Variants in KNDC1 observed in about 807,000 individuals in gnomAD.
The protein encoded by KNDC1 is kinase non-catalytic C-lobe domain containing 1.
A neutral mutation model predicts 172.8 loss-of-function variants in KNDC1; 106 were observed. The ratio of observed to expected loss-of-function variants is 0.61; its 90% CI spans 0.52 to 0.72. The LOEUF (loss-of-function observed/expected upper bound fraction) is 0.72. Ranked by LOEUF, KNDC1 falls within the 30% of genes least tolerant of loss-of-function variation. KNDC1 has a pLI of 0.00. For synonymous variants in KNDC1, 1,083 were observed against 1,062.2 expected (o/e 1.02, Z -0.38); for missense variants, 2,325 against 2,394.5 (o/e 0.97, Z 0.61).
chr10:133,197,210 C>A, intron 11 of KNDC1, 75 bp downstream of exon 11: 2 of 1,177,616 alleles, frequency 1.7e-6, no homozygotes, highest in African/African-American at 1.5e-5. Flanking sequence ...CTTGCCCTTG[C>A]CTGGCCGCTC....
intron 1 of KNDC1, among the ~76,000 whole-genome samples, chr10:133,161,060 A>G (rs546369057): frequency 6.6e-6 from 1 of 151,360 alleles, no homozygotes; most frequent in South Asian, 2.1e-4. Context: ...CCGGGCCTTC[A>G]CCCAAGACCC....
At position 133,163,023 on chromosome 10, in the gene KNDC1, A is replaced by G. The variant is rs568431025; in HGVS notation, c.102+2454A>G. 6.4e-4 allele frequency among the ~76,000 whole-genome samples: 68 copies of G among 105,560 alleles called. No individual in the cohort carries two copies. The highest frequency in any genetic ancestry group is 2.5e-3 in the African/African-American group (67 of 26,592). The allele number at this position is 105,560 out of a possible 152,430, so 69.3% of individuals were successfully genotyped here. ...GGAGATGTTCTGTGGGGGTGATGCA[A>G]GGAGGGCTTCCTGGAGGTGTCCTGC... On this transcript the variant is annotated intron_variant, in intron 1 of 29. Transcript: ENST00000304613. This position sits in a 1 kb window ranked among gnomAD's most constrained non-coding sequence, Gnocchi z 4.4.
chr10:133,217,926 T>C (rs1845500656), intron 26 of KNDC1, among the ~76,000 whole-genome samples: 1 of 151,776 alleles, frequency 6.6e-6, no homozygotes, highest in African/African-American at 2.4e-5. Context: ...AATACAAAAA[T>C]TATCACGCCT....
intron 17 of KNDC1, among the ~76,000 whole-genome samples, chr10:133,203,971 C>T (rs1381925669): frequency 1.3e-5 from 2 of 152,348 alleles, no homozygotes; most frequent in East Asian, 1.9e-4. Context: ...CGCAGGCACC[C>T]GCCTCCAGGT....
At chr10:133,204,598 G>T (rs1275275708) in intron 17 of KNDC1, among the ~76,000 whole-genome samples, 1 of 152,246 alleles carries the variant, frequency 6.6e-6, no homozygotes, top group East Asian at 1.9e-4. Flanking sequence ...ACAGCACAGG[G>T]ACCCCGTCTC....
chr10:133,184,137 C>G (rs909067424), intron 5 of KNDC1, 148 bp downstream of exon 5: 1 of 475,452 alleles, frequency 2.1e-6, no homozygotes. Context: ...CACACACATG[C>G]CACACACACC....
chr10:133,188,557 C>A lies in KNDC1; in HGVS notation c.1345C>A (p.Leu449Ile), dbSNP rs1013242807. 1 of 1,574,838 alleles carries A rather than the reference C, an allele frequency of 6.3e-7. No individual in the cohort carries two copies. Among genetic ancestry groups the A allele is most frequent in the Non-Finnish European group, 8.6e-7 (1 of 1,160,568 alleles). ...AAEQWVSLQD[L>I]LSQLGRPFRE... ...CCCACAGTGGGTGTCCCTGCAGGAC[C>A]TCCTGTCCCAGCTGGGCCGGCCCTT... is the stretch of plus-strand genomic sequence containing the variant. Residue 449 changes from leucine (L) to isoleucine (I), a missense_variant, in exon 7 of 30, where the codon CTC becomes ATC. Physicochemically the swap from Leu to Ile is conservative, Grantham distance 5. Transcript: ENST00000304613.
At chr10:133,181,097 C>T (rs1853703217) in intron 3 of KNDC1, among the ~76,000 whole-genome samples, 1 of 150,842 alleles carries the variant, frequency 6.6e-6, no homozygotes, top group Admixed American at 6.6e-5. Context: ...CCACTGACGT[C>T]ACACGCGGCA....
At chr10:133,202,444 C>G (rs1472997499) in intron 17 of KNDC1, 1 of 399,632 alleles carries the variant, frequency 2.5e-6, no homozygotes, top group Non-Finnish European at 5.0e-6. Flanking sequence ...GTCCTGGGTG[C>G]AGGAGAGGCC....
In KNDC1 at chr10:133,224,688, A is replaced by C; in HGVS notation, c.5048A>C (p.His1683Pro). ...ATCGCAAAGGTGGTGAGCCAGGTGC[A>C]CGCGTTCCAGGAGAACCCTTACACC... ...RNIAKVVSQV[H>P]AFQENPYTFS... is the part of the protein sequence containing the mutation. The change falls in exon 30 of 30, where the codon CAC becomes CCC. Residue 1683 changes from histidine to proline, a missense_variant. His to Pro is a moderately conservative substitution (Grantham distance 77). Transcript: ENST00000304613. This position sits in a 1 kb window ranked among gnomAD's most constrained non-coding sequence, Gnocchi z 5.4. 6.2e-7 allele frequency: 1 copy of C among 1,614,080 alleles called. No homozygotes were observed. The highest frequency in any genetic ancestry group is 8.5e-7 in the Non-Finnish European group (1 of 1,180,014).
intron 13 of KNDC1, 38 bp from the exon 14 acceptor site, chr10:133,198,540 G>A: frequency 3.2e-6 from 5 of 1,580,212 alleles, no homozygotes; most frequent in Non-Finnish European, 4.3e-6. Flanking sequence ...TGGGTCCCGG[G>A]CGCAGGCAGC....
intron 3 of KNDC1, among the ~76,000 whole-genome samples, 177 bp from the exon 4 acceptor site, chr10:133,183,167 G>A (rs921538662): frequency 6.7e-5 from 10 of 149,118 alleles, no homozygotes; most frequent in Non-Finnish European, 1.5e-4. Context: ...CGGCGAGGGT[G>A]CCAGCGGCGT....
At chr10:133,194,012 A>G (rs1854124350) in intron 9 of KNDC1, among the ~76,000 whole-genome samples, 1 of 152,236 alleles carries the variant, frequency 6.6e-6, no homozygotes, top group African/African-American at 2.4e-5. Context: ...ACTTGATAGA[A>G]CAATCAGACT....
At chr10:133,192,450 G>A (rs1346291839) in intron 9 of KNDC1, among the ~76,000 whole-genome samples, 1 of 152,132 alleles carries the variant, frequency 6.6e-6, no homozygotes, top group African/African-American at 2.4e-5. Flanking sequence ...ATGAAAACAG[G>A]CAACCAATGA....
chr10:133,191,789 TCTGCAC>T (rs1854076440), intron 9 of KNDC1, among the ~76,000 whole-genome samples: 1 of 152,220 alleles, frequency 6.6e-6, no homozygotes, highest in Non-Finnish European at 1.5e-5. Context: ...CACCCCCTGC[TCTGCAC>T]CAACCAAACC....
intron 1 of KNDC1, among the ~76,000 whole-genome samples, chr10:133,162,012 C>A (rs913013767): frequency 6.6e-6 from 1 of 152,198 alleles, no homozygotes; most frequent in East Asian, 1.9e-4. Flanking sequence ...CCAGTGTCCT[C>A]GGGCCGGCCG....
chr10:133,172,860 G>A (rs1018383452), intron 3 of KNDC1, among the ~76,000 whole-genome samples: 1 of 152,136 alleles, frequency 6.6e-6, no homozygotes, highest in East Asian at 1.9e-4. Context: ...AAAATTAGCC[G>A]GGCATGGTGG....
At position 133,224,884 on chromosome 10, in the gene KNDC1, C is replaced by T; in HGVS notation, c.5244C>T (p.Phe1748=). The T allele has an allele frequency of 6.2e-7, 1 of 1,609,592 alleles. No homozygotes were observed. Among genetic ancestry groups the T allele is most frequent in the East Asian group, 2.2e-5 (1 of 44,832 alleles). The change falls in exon 30 of 30, where the codon TTC becomes TTT. Residue 1748 remains phenylalanine, a synonymous_variant. Coordinates refer to ENST00000304613, the MANE Select transcript of KNDC1 (RefSeq NM_152643.8). This position sits in a 1 kb window ranked among gnomAD's most constrained non-coding sequence, Gnocchi z 5.4. The stretch of plus-strand genomic sequence containing the variant: ...AGCTACGGAGGATGAAGGCTACATT[C>T]CAGTAGCCGAGCTCGGGCCTGGTGT... ...QDKLRRMKAT[F]Q is the part of the protein sequence containing the mutation.
intron 17 of KNDC1, among the ~76,000 whole-genome samples, chr10:133,204,999 A>ACTCCAGAACCACCACCCTCCTCAC: frequency 2.4e-5 from 1 of 41,624 alleles, no homozygotes; most frequent in South Asian, 1.0e-3. Context: ...CAGACCCCTC[A>ACTCCAGAACCACCACCCTCCTCAC]CCCCAGAACC....
Sources: gnomAD v4.1 joint callset for allele counts (sites outside exome capture counted in the v4.1 genomes callset) on GRCh38, gnomAD v4.1.1 for gene constraint, Gnocchi (gnomAD v3.1) non-coding constraint, MANE v1.5 for transcripts, NCBI Gene and HGNC (gene_info 2026-07-23, HGNC 2026-07-21) for gene names.